CELF2: variants seen among roughly 807,000 people sequenced by gnomAD.
CELF2 encodes the protein CUG triplet repeat RNA-binding protein 2.
CELF2 carries 8 observed loss-of-function variants against 62.6 expected under a neutral mutation model. The ratio of observed to expected loss-of-function variants is 0.13; its 90% CI spans 0.07 to 0.23. CELF2 has a LOEUF of 0.23. CELF2 is among the 10% of genes least tolerant of loss of function. CELF2 has a pLI of 1.00. For missense variants in CELF2, 333 were observed against 671.0 expected (o/e 0.50, Z 5.56); for synonymous variants, 258 against 250.0 (o/e 1.03, Z -0.30).
At chr10:10,607,582 T>A in the CELF2 span, among the ~76,000 whole-genome samples, 35 of 152,338 alleles carry the variant, frequency 2.3e-4, no homozygotes, top group East Asian at 6.7e-3. Flanking sequence ...GATTAGTTAC[T>A]TTTTCTCTGT....
chr10:10,573,661 A>G, the CELF2 span, among the ~76,000 whole-genome samples: 1 of 152,158 alleles, frequency 6.6e-6, no homozygotes, highest in Non-Finnish European at 1.5e-5. Flanking sequence ...CAAACATCTT[A>G]CATCTTACAT....
intron 1 of CELF2, among the ~76,000 whole-genome samples, chr10:11,130,349 G>T (rs1021746740): frequency 5.9e-5 from 9 of 152,198 alleles, no homozygotes; most frequent in African/African-American, 2.2e-4. Flanking sequence ...TCCCAAAACT[G>T]TCTCACAAGC....
chr10:10,890,626 C>T (rs1252559571), intron 1 of CELF2, among the ~76,000 whole-genome samples: 1 of 152,188 alleles, frequency 6.6e-6, no homozygotes, highest in Non-Finnish European at 1.5e-5. Context: ...AGCACTTTTG[C>T]TGAGAGGTGA....
At position 11,296,142 on chromosome 10, in the gene CELF2, C is replaced by G. The variant is rs185182677; in HGVS notation, c.976+7590C>G. On this transcript the variant is annotated intron_variant, in intron 9 of 12. Coordinates refer to ENST00000633077, the MANE Select transcript of CELF2 (RefSeq NM_001326342.2). This position sits in a 1 kb window ranked among gnomAD's most constrained non-coding sequence, Gnocchi z 5.0. ...CATCCCCGGGATGGACAGATCCTCGCGTGCATCTTAGGGCTGCCACTCACC... is the reference window on the plus strand; with the variant it reads ...CATCCCCGGGATGGACAGATCCTCGGGTGCATCTTAGGGCTGCCACTCACC... Among the ~76,000 whole-genome samples, 1 of 152,212 alleles carries G rather than the reference C, an allele frequency of 6.6e-6. No homozygotes were observed. The highest frequency in any genetic ancestry group is 1.5e-5 in the Non-Finnish European group (1 of 68,030).
At chr10:10,754,061 G>GGTTTTTTTTTTTT in the CELF2 span, among the ~76,000 whole-genome samples, 10 of 85,054 alleles carry the variant, frequency 1.2e-4, 2 homozygotes, top group East Asian at 4.9e-4. Flanking sequence ...TGCTGAGGTG[G>GGTTTTTTTTTTTT]TTTTTTTTTT....
the CELF2 span, among the ~76,000 whole-genome samples, chr10:10,505,706 T>A: frequency 6.6e-6 from 1 of 152,174 alleles, no homozygotes; most frequent in Non-Finnish European, 1.5e-5. Flanking sequence ...ATGACTGAAG[T>A]CATGAACTCA....
the CELF2 span, among the ~76,000 whole-genome samples, chr10:10,582,450 T>C: frequency 6.6e-6 from 1 of 152,188 alleles, no homozygotes; most frequent in African/African-American, 2.4e-5. Context: ...AAGTTAAGGA[T>C]AAGAAGGGAA....
At chr10:10,856,686 A>T (rs2059730663) in intron 1 of CELF2, among the ~76,000 whole-genome samples, 1 of 152,150 alleles carries the variant, frequency 6.6e-6, no homozygotes, top group South Asian at 2.1e-4. Flanking sequence ...CTACTCGTGC[A>T]CTCATTTACA....
intron 1 of CELF2, among the ~76,000 whole-genome samples, chr10:10,913,375 A>G (rs2063981140): frequency 9.6e-6 from 1 of 104,108 alleles, no homozygotes; most frequent in Non-Finnish European, 1.8e-5. Context: ...CTTTGTAATG[A>G]TGTCTTTTTT....
the CELF2 span, among the ~76,000 whole-genome samples, chr10:10,509,781 C>A: frequency 2.0e-5 from 3 of 152,220 alleles, no homozygotes; most frequent in African/African-American, 2.4e-5. Context: ...TTGTGGAAAA[C>A]TGAAAAAGGG....
chr10:10,579,010 T>C, the CELF2 span, among the ~76,000 whole-genome samples: 1 of 152,196 alleles, frequency 6.6e-6, no homozygotes, highest in Non-Finnish European at 1.5e-5. Context: ...TTTGAAATCT[T>C]CCAAAGCCTG....
chr10:11,327,584 C>T (rs1449611793), intron 12 of CELF2, among the ~76,000 whole-genome samples: 1 of 152,164 alleles, frequency 6.6e-6, no homozygotes, highest in African/African-American at 2.4e-5. Flanking sequence ...GTTTTGTTAT[C>T]CATCTCACCT....
intron 1 of CELF2, among the ~76,000 whole-genome samples, chr10:10,838,987 T>A (rs1197675373): frequency 6.6e-6 from 1 of 151,228 alleles, no homozygotes; most frequent in Non-Finnish European, 1.5e-5. Flanking sequence ...AAAAAAAAAA[T>A]ACAAAAATAT....
Position 11,280,869 on chromosome 10 carries a change from C to T in CELF2, c.841+5749C>T, listed in dbSNP as rs752745934. Reference sequence around the variant, plus strand: ...AGGGCTGCTCTCTAGGGCTTCCTGGCGCCAGCCTCCACTGGGTCCTTCCCC... The same window carrying T: ...AGGGCTGCTCTCTAGGGCTTCCTGGTGCCAGCCTCCACTGGGTCCTTCCCC... On this transcript the variant is annotated intron_variant, in intron 8 of 12. Transcript: ENST00000633077. The surrounding 1 kb of genome is among the most constrained non-coding windows in gnomAD (Gnocchi z 7.6). 3.9e-5 allele frequency among the ~76,000 whole-genome samples: 6 copies of T among 152,100 alleles called. No individual in the cohort carries two copies. The highest frequency in any genetic ancestry group is 7.4e-5 in the Non-Finnish European group (5 of 68,012).
intron 1 of CELF2, among the ~76,000 whole-genome samples, chr10:11,032,171 A>AAAAAAAAAAAAAAAC (rs2060234677): frequency 7.1e-6 from 1 of 141,704 alleles, no homozygotes. Flanking sequence ...AAAAAAAAAA[A>AAAAAAAAAAAAAAAC]TTGCTTCCAG....
chr10:10,487,880 T>G, the CELF2 span, among the ~76,000 whole-genome samples: 1 of 152,100 alleles, frequency 6.6e-6, no homozygotes, highest in Non-Finnish European at 1.5e-5. Context: ...GAAATTGAAG[T>G]TAGTAGTATT....
intron 1 of CELF2, among the ~76,000 whole-genome samples, chr10:11,094,823 T>A (rs142764668): frequency 1.3e-5 from 2 of 152,330 alleles, no homozygotes; most frequent in African/African-American, 4.8e-5. Context: ...CTGCTTGGTG[T>A]AATCCCCTCA....
the CELF2 span, among the ~76,000 whole-genome samples, chr10:10,701,938 C>T: frequency 1.3e-5 from 2 of 152,118 alleles, no homozygotes; most frequent in Non-Finnish European, 1.5e-5. Context: ...ACTTCTCCTG[C>T]GAAAAGTGCT....
chr10:11,020,679 A>G (rs2058166031), intron 1 of CELF2, among the ~76,000 whole-genome samples: 3 of 152,220 alleles, frequency 2.0e-5, no homozygotes, highest in Admixed American at 6.5e-5. Flanking sequence ...AATATTTTCA[A>G]TGGCGTTTTC....
Sources: allele counts gnomAD v4.1 joint callset (sites outside exome capture counted in the v4.1 genomes callset), GRCh38; gene constraint gnomAD v4.1.1; non-coding constraint Gnocchi (gnomAD v3.1); transcripts MANE v1.5; gene names NCBI Gene and HGNC (gene_info 2026-07-23, HGNC 2026-07-21).